The following LRRC7 variants were observed in gnomAD, a reference collection of about 807,000 sequenced individuals.
LRRC7 encodes the protein leucine-rich repeat-containing protein 7.
LRRC7 carries 23 observed loss-of-function variants against 175.7 expected under a neutral mutation model. That is an observed-to-expected ratio of 0.13 (90% CI 0.09 to 0.19). LRRC7 has a LOEUF of 0.19. Ranked by LOEUF, LRRC7 falls within the 10% of genes least tolerant of loss-of-function variation. The pLI, the probability that LRRC7 is intolerant of heterozygous loss-of-function variation, is 1.00. For synonymous variants in LRRC7, 685 were observed against 680.9 expected, an observed-to-expected ratio of 1.01 and a Z score of -0.09; for missense variants, 1,354 against 1,904.7, an observed-to-expected ratio of 0.71 and a Z score of 5.38.
chr1:69,974,832 A>G (rs182058305), intron 8 of LRRC7, among the ~76,000 whole-genome samples: 1 of 152,256 alleles, frequency 6.6e-6, no homozygotes, highest in African/African-American at 2.4e-5. Context: ...GCTTTACTTT[A>G]TTGGGTATTT....
At chr1:69,896,580 A>G (rs994391000) in intron 7 of LRRC7, among the ~76,000 whole-genome samples, 1 of 152,154 alleles carries the variant, frequency 6.6e-6, no homozygotes, top group Non-Finnish European at 1.5e-5. Flanking sequence ...GATCTAGATG[A>G]TTCTCTATAC....
At chr1:69,722,990 T>C (rs534238403) in intron 2 of LRRC7, among the ~76,000 whole-genome samples, 107 of 152,244 alleles carry the variant, frequency 7.0e-4, no homozygotes, top group African/African-American at 2.4e-3. Context: ...TTTTTTGCCA[T>C]TTTTATGTTA....
intron 1 of LRRC7, among the ~76,000 whole-genome samples, chr1:69,574,745 T>C (rs1201806746): frequency 6.6e-6 from 1 of 152,138 alleles, no homozygotes; most frequent in Non-Finnish European, 1.5e-5. Flanking sequence ...CAGAATCATG[T>C]TGGATGGAAA....
intron 1 of LRRC7, among the ~76,000 whole-genome samples, chr1:69,584,092 T>G (rs1646309028): frequency 6.6e-6 from 1 of 152,150 alleles, no homozygotes; most frequent in African/African-American, 2.4e-5. Context: ...ATGCTTGGAA[T>G]CGCTTACTTC....
At chr1:69,851,837 A>G (rs949900437) in intron 7 of LRRC7, among the ~76,000 whole-genome samples, 2 of 152,154 alleles carry the variant, frequency 1.3e-5, no homozygotes, top group South Asian at 4.1e-4. Flanking sequence ...TCAGAAAGTC[A>G]GATACTTTGC....
intron 24 of LRRC7, among the ~76,000 whole-genome samples, chr1:70,087,184 C>A (rs144197875): frequency 7.3e-4 from 111 of 152,238 alleles, no homozygotes; most frequent in Non-Finnish European, 1.2e-3. Context: ...ATTTTTAGTG[C>A]CTTCCAGATT....
intron 4 of LRRC7, among the ~76,000 whole-genome samples, chr1:69,804,901 AAG>A: frequency 6.6e-6 from 1 of 151,788 alleles, no homozygotes; most frequent in East Asian, 1.9e-4. Flanking sequence ...AATGAATTAT[AAG>A]ATTTAATTAG....
At chr1:69,970,628 T>C (rs1439703272) in intron 8 of LRRC7, among the ~76,000 whole-genome samples, 2 of 152,072 alleles carry the variant, frequency 1.3e-5, no homozygotes, top group Non-Finnish European at 2.9e-5. Flanking sequence ...AAGATTGAAA[T>C]GTTAATGAAA....
chr1:70,072,578 ACTGCTGCTGCTGCTGCTGCTG>A (rs6143270), intron 23 of LRRC7, among the ~76,000 whole-genome samples: 22 of 150,724 alleles, frequency 1.5e-4, no homozygotes, highest in South Asian at 4.2e-4. Flanking sequence ...GAGACAAAAA[ACTGCTGCTGCTGCTGCTGCTG>A]CTGCTGCTGC....
At chr1:69,919,244 C>T in intron 7 of LRRC7, 1 of 423,650 alleles carries the variant, frequency 2.4e-6, no homozygotes, top group Non-Finnish European at 4.3e-6. Context: ...CTATTCAGTT[C>T]TGTGGTTGTA....
intron 1 of LRRC7, among the ~76,000 whole-genome samples, chr1:69,589,429 C>T (rs982014503): frequency 3.3e-5 from 5 of 152,108 alleles, no homozygotes; most frequent in African/African-American, 9.7e-5. Flanking sequence ...TTAGCTCAGA[C>T]GCGTTCATGT....
chr1:70,066,077 G>A (rs907901299), intron 23 of LRRC7, among the ~76,000 whole-genome samples: 1 of 151,916 alleles, frequency 6.6e-6, no homozygotes, highest in Non-Finnish European at 1.5e-5. Context: ...GATTACAACA[G>A]GTTTAAAATC....
chr1:69,953,728 A>G (rs1235886165), intron 8 of LRRC7, among the ~76,000 whole-genome samples: 1 of 152,056 alleles, frequency 6.6e-6, no homozygotes, highest in Admixed American at 6.6e-5. Context: ...AGCTCCTTGA[A>G]GAGCACTCAT....
intron 3 of LRRC7, among the ~76,000 whole-genome samples, chr1:69,766,834 G>A (rs527271062): frequency 5.1e-4 from 77 of 152,176 alleles, no homozygotes; most frequent in African/African-American, 1.7e-3. Context: ...CAAATGGCAG[G>A]CTTCTACAAG....
intron 1 of LRRC7, among the ~76,000 whole-genome samples, chr1:69,647,027 T>C (rs948893741): frequency 6.6e-6 from 1 of 152,038 alleles, no homozygotes; most frequent in African/African-American, 2.4e-5. Context: ...AAAAAAAATG[T>C]CATAGTAGGA....
At chr1:69,608,913 C>CACAT (rs1553124976) in intron 1 of LRRC7, among the ~76,000 whole-genome samples, 1 of 132,856 alleles carries the variant, frequency 7.5e-6, no homozygotes, top group Non-Finnish European at 1.6e-5. Context: ...CACACACACA[C>CACAT]ATATATATAA....
intron 2 of LRRC7, among the ~76,000 whole-genome samples, chr1:69,708,432 C>T (rs909376706): frequency 6.6e-6 from 1 of 152,012 alleles, no homozygotes; most frequent in African/African-American, 2.4e-5. Flanking sequence ...TACCACATAC[C>T]TTAGTGCCTT....
chr1:69,605,727 G>A (rs530213825), intron 1 of LRRC7, among the ~76,000 whole-genome samples: 1 of 152,040 alleles, frequency 6.6e-6, no homozygotes. Flanking sequence ...AATATAGAAA[G>A]TATTTTAATA....
At chr1:70,015,736 A>G (rs1480969159) in intron 13 of LRRC7, among the ~76,000 whole-genome samples, 1 of 152,200 alleles carries the variant, frequency 6.6e-6, no homozygotes, top group African/African-American at 2.4e-5. Flanking sequence ...CAAGTTATAC[A>G]TCTTAGAAGT....
Sources: gnomAD v4.1 joint callset for allele counts (sites outside exome capture counted in the v4.1 genomes callset) on GRCh38, gnomAD v4.1.1 for gene constraint, MANE v1.5 for transcripts, NCBI Gene and HGNC (gene_info 2026-07-23, HGNC 2026-07-21) for gene names.